The following IL17RD variants were observed in gnomAD, a reference collection of about 807,000 sequenced individuals.
IL17RD encodes the protein interleukin 17 receptor D, also known as interleukin-17 receptor D.
IL17RD carries 52 observed loss-of-function variants against 80.5 expected under a neutral mutation model. That is an observed-to-expected ratio of 0.65 (90% CI 0.52 to 0.81). The LOEUF (loss-of-function observed/expected upper bound fraction) is 0.81. Among genes scored for constraint, IL17RD ranks in the 40% least tolerant of loss-of-function variants. The pLI, the probability that IL17RD is intolerant of heterozygous loss-of-function variation, is 0.00. For missense variants in IL17RD, 1,024 were observed against 955.1 expected, an observed-to-expected ratio of 1.07 and a Z score of -0.95; for synonymous variants, 416 against 391.8, an observed-to-expected ratio of 1.06 and a Z score of -0.73.
intron 1 of IL17RD, among the ~76,000 whole-genome samples, chr3:57,123,378 C>A (rs1027682702): frequency 2.0e-5 from 3 of 152,236 alleles, no homozygotes; most frequent in African/African-American, 7.2e-5. Flanking sequence ...CCTTCCCAGT[C>A]ACTCCCTCTT....
intron 1 of IL17RD, chr3:57,164,919 G>A: frequency 8.0e-7 from 1 of 1,257,476 alleles, no homozygotes; most frequent in Non-Finnish European, 1.0e-6. Flanking sequence ...CCGGCCGGCG[G>A]CCGCACCTCA....
At chr3:57,146,890 T>TGCCATTGGCACAATGG (rs530680786) in intron 1 of IL17RD, among the ~76,000 whole-genome samples, 13,142 of 142,112 alleles carry the variant, frequency 0.092, 2,067 homozygotes, top group African/African-American at 0.32. Flanking sequence ...CAATCTTGAC[T>TGCCATTGGCACAATGG]CACTGCAACC....
intron 5 of IL17RD, among the ~76,000 whole-genome samples, chr3:57,109,213 A>G (rs539205028): frequency 3.3e-5 from 5 of 152,074 alleles, no homozygotes; most frequent in Non-Finnish European, 5.9e-5. Context: ...CAGTGGCCCA[A>G]TCTTGGCTCA....
At chr3:57,138,723 G>T (rs1707774836) in intron 1 of IL17RD, among the ~76,000 whole-genome samples, 1 of 152,020 alleles carries the variant, frequency 6.6e-6, no homozygotes, top group Admixed American at 6.6e-5. Flanking sequence ...ATCACCTGAG[G>T]TTGGGAGCTC....
intron 1 of IL17RD, among the ~76,000 whole-genome samples, chr3:57,130,769 G>A (rs1707589947): frequency 6.6e-6 from 1 of 152,176 alleles, no homozygotes; most frequent in South Asian, 2.1e-4. Flanking sequence ...ATCCCCCTGA[G>A]ATGCAGTCAG....
chr3:57,156,706 T>C (rs2060269520), intron 1 of IL17RD, among the ~76,000 whole-genome samples: 1 of 152,156 alleles, frequency 6.6e-6, no homozygotes, highest in Non-Finnish European at 1.5e-5. Context: ...GCCTCACCAC[T>C]TCTGACAGAA....
intron 1 of IL17RD, among the ~76,000 whole-genome samples, chr3:57,143,268 T>C (rs1284514908): frequency 6.6e-6 from 1 of 152,190 alleles, no homozygotes; most frequent in African/African-American, 2.4e-5. Context: ...AGGGGCAGTA[T>C]CCTTTTTGAA....
intron 5 of IL17RD, among the ~76,000 whole-genome samples, chr3:57,106,909 A>C (rs953644066): frequency 2.6e-5 from 4 of 152,114 alleles, no homozygotes; most frequent in Admixed American, 2.6e-4. Flanking sequence ...CCTTACCCCC[A>C]AAAAGATACA....
At chr3:57,127,412 A>ATATTTTTTTT (rs1246159104) in intron 1 of IL17RD, among the ~76,000 whole-genome samples, 5 of 91,190 alleles carry the variant, frequency 5.5e-5, no homozygotes, top group African/African-American at 2.4e-4. Flanking sequence ...ATATATATAT[A>ATATTTTTTTT]TTTTTTTTTT....
At chr3:57,130,417 C>T (rs972557144) in intron 1 of IL17RD, among the ~76,000 whole-genome samples, 1 of 152,178 alleles carries the variant, frequency 6.6e-6, no homozygotes, top group African/African-American at 2.4e-5. Context: ...ATACCATAAC[C>T]ACCCTTGGGT....
chr3:57,130,359 C>T (rs764469282), intron 1 of IL17RD, among the ~76,000 whole-genome samples: 3 of 152,182 alleles, frequency 2.0e-5, no homozygotes, highest in African/African-American at 7.2e-5. Flanking sequence ...CCTCCAACTA[C>T]CTCTCCAGGT....
At chr3:57,142,675 T>A (rs1402100761) in intron 1 of IL17RD, 3 of 159,810 alleles carry the variant, frequency 1.9e-5, no homozygotes, top group African/African-American at 7.3e-5. Context: ...TGATGAAAAG[T>A]TGGGCGGGGC....
At chr3:57,161,843 G>A (rs2060307394) in intron 1 of IL17RD, among the ~76,000 whole-genome samples, 1 of 144,248 alleles carries the variant, frequency 6.9e-6, no homozygotes, top group African/African-American at 2.4e-5. Flanking sequence ...TGAGGATGGT[G>A]TGGTCCCTCT....
At position 57,102,601 on chromosome 3, in the gene IL17RD, C is replaced by T. The variant is rs779456525; in HGVS notation, c.869-12G>A. 45 of 1,416,176 alleles carry T rather than the reference C, an allele frequency of 3.2e-5. No individual in the cohort carries two copies. The Admixed American group carries it at 3.3e-4, about 10-fold the overall frequency. 87.7% of individuals were successfully genotyped at this position (1,416,176 alleles called of 1,614,324 possible). ...CCACGGGGAGTGCACTGGGAAATTT[C>T]AAAGGGAAAGTTTTTAAACTTAAGC... On this transcript the variant is annotated splice_polypyrimidine_tract_variant and intron_variant, in intron 9 of 12. Coordinates refer to ENST00000296318, the MANE Select transcript of IL17RD (RefSeq NM_017563.5).
rs375789861 is a variant in IL17RD, at chr3:57,127,363, TAA to T, written c.127-7052_127-7051del. On this transcript the variant is annotated intron_variant, in intron 1 of 12. Coordinates refer to ENST00000296318, the MANE Select transcript of IL17RD (RefSeq NM_017563.5). Reference sequence around the variant, plus strand: ...AAATATATATAAATATATATAAATATAAATATATATATATAAATAAATAAATA... The same window carrying T: ...AAATATATATAAATATATATAAATATATATATATATATAAATAAATAAATA... 5.2e-4 allele frequency among the ~76,000 whole-genome samples: 39 copies of T among 75,692 alleles called. 2 individuals carry two copies. The highest frequency in any genetic ancestry group is 1.0e-3 in the African/African-American group (17 of 16,870). 49.7% of individuals were successfully genotyped at this position (75,692 alleles called of 152,430 possible).
chr3:57,158,345 T>C (rs2060282045), intron 1 of IL17RD, among the ~76,000 whole-genome samples: 1 of 152,246 alleles, frequency 6.6e-6, no homozygotes, highest in South Asian at 2.1e-4. Flanking sequence ...GTACCAGCCA[T>C]ATGCAAATAA....
At chr3:57,168,933 G>T (rs1169787343), upstream of IL17RD, among the ~76,000 whole-genome samples, 2 of 152,328 alleles carry the variant, frequency 1.3e-5, no homozygotes, top group South Asian at 2.1e-4. Flanking sequence ...GGCCAGGCTG[G>T]TCTGGAACTC....
intron 1 of IL17RD, 84 bp downstream of exon 1, chr3:57,165,077 C>A: frequency 7.2e-7 from 1 of 1,384,134 alleles, no homozygotes; most frequent in Non-Finnish European, 9.3e-7. Flanking sequence ...CAGGTTGGCG[C>A]GGGCTCGCCT....
chr3:57,097,991 G>A lies in IL17RD; in HGVS notation c.1712C>T (p.Pro571Leu). 6.2e-7 allele frequency: 1 copy of A among 1,614,060 alleles called. No individual in the cohort carries two copies. The highest frequency in any genetic ancestry group is 1.1e-5 in the South Asian group (1 of 91,084). The change falls in exon 12 of 13, where the codon CCA becomes CTA. Residue 571 changes from proline (P) to leucine (L), a missense_variant. Coordinates refer to ENST00000296318, the MANE Select transcript of IL17RD (RefSeq NM_017563.5). ...CAAGACTGGCTCCCGGTAGCGCAGT[G>A]GAGGAGGATGGAAGGGAACGAACTG... ...EKQFVPFHPP[P>L]LRYREPVLEK... is the part of the protein sequence containing the mutation.
Sources: allele counts gnomAD v4.1 joint callset (sites outside exome capture counted in the v4.1 genomes callset), GRCh38; gene constraint gnomAD v4.1.1; transcripts MANE v1.5; gene names NCBI Gene and HGNC (gene_info 2026-07-23, HGNC 2026-07-21).